Variants in RSBN1L observed in about 807,000 individuals in gnomAD.
RSBN1L encodes the protein lysine-specific demethylase RSBN1L.
In RSBN1L, 30 loss-of-function variants were observed where a neutral mutation model predicts 67.7. That is an observed-to-expected ratio of 0.44 (90% CI 0.33 to 0.60). RSBN1L has a LOEUF of 0.60. RSBN1L is among the 20% of genes least tolerant of loss of function. The pLI, the probability that RSBN1L is intolerant of heterozygous loss-of-function variation, is 0.02. For synonymous variants in RSBN1L, 433 were observed against 387.0 expected (o/e 1.12, Z -1.39); for missense variants, 992 against 1,031.7 (o/e 0.96, Z 0.53).
chr7:77,746,951 C>T (rs1392061620), intron 2 of RSBN1L, among the ~76,000 whole-genome samples: 6 of 152,226 alleles, frequency 3.9e-5, no homozygotes, highest in African/African-American at 1.4e-4. Context: ...AGCCCCACCC[C>T]TGTGGCTGTG....
chr7:77,765,480 T>A lies in RSBN1L; in HGVS notation c.1345-15T>A. 6.6e-7 allele frequency: 1 copy of A among 1,519,318 alleles called. No individual in the cohort carries two copies. The highest frequency in any genetic ancestry group is 2.3e-5 in the East Asian group (1 of 43,224). 94.1% of individuals were successfully genotyped at this position (1,519,318 alleles called of 1,614,324 possible). A position where few individuals can be genotyped will look rare whatever the true frequency, so the allele number is the denominator to read the frequency against. ...AGAACGTATTTAACTTTTAATTAAA[T>A]CCATGTTTCTTCAGGTAAAAAGAAC... is the stretch of plus-strand genomic sequence containing the variant. On this transcript the variant is annotated splice_polypyrimidine_tract_variant and intron_variant, in intron 3 of 7. Transcript: ENST00000334955.
chr7:77,768,939 A>C, intron 5 of RSBN1L, 136 bp downstream of exon 5: 1 of 674,296 alleles, frequency 1.5e-6, no homozygotes, highest in Admixed American at 2.7e-5. Flanking sequence ...ATAGCGATAC[A>C]TGCTAATACA....
Position 77,750,062 on chromosome 7 carries a change from C to A in RSBN1L, c.1342C>A (p.Gln448Lys). The change falls in exon 3 of 8, where the codon CAG becomes AAG. Residue 448 changes from glutamine (Q) to lysine (K), a missense_variant and splice_region_variant. Transcript: ENST00000334955. ...AACGACTATGTCCAATTTTCATGCT[C>A]AGGTAAGAGGTTTTTAGTTTTATAA... ...ETTTMSNFHA[Q>K]VKRTYSHGTY... is the part of the protein sequence containing the mutation. 6.4e-7 allele frequency: 1 copy of A among 1,574,046 alleles called. No individual in the cohort carries two copies. Among genetic ancestry groups the A allele is most frequent in the South Asian group, 1.2e-5 (1 of 84,330 alleles).
intron 3 of RSBN1L, among the ~76,000 whole-genome samples, chr7:77,753,689 A>G (rs1231962216): frequency 6.6e-6 from 1 of 152,204 alleles, no homozygotes; most frequent in Non-Finnish European, 1.5e-5. Context: ...TGCCTACCAC[A>G]AAGTCATTAA....
chr7:77,748,175 C>G (rs1791508685), intron 2 of RSBN1L, among the ~76,000 whole-genome samples: 1 of 151,908 alleles, frequency 6.6e-6, no homozygotes, highest in African/African-American at 2.4e-5. Flanking sequence ...TGAATATGAT[C>G]AAAAGAATAC....
intron 1 of RSBN1L, among the ~76,000 whole-genome samples, chr7:77,699,348 A>G (rs1315316976): frequency 6.6e-6 from 1 of 152,240 alleles, no homozygotes; most frequent in Admixed American, 6.5e-5. Flanking sequence ...CTGCACCCCA[A>G]TTTGATTAAA....
intron 4 of RSBN1L, among the ~76,000 whole-genome samples, chr7:77,767,085 CTTCCCT>C (rs1199891409): frequency 5.6e-5 from 8 of 143,394 alleles, no homozygotes; most frequent in African/African-American, 1.8e-4. Context: ...TCCCCTTCCC[CTTCCCT>C]TTCCCTTTCC....
rs754208920 is a variant in RSBN1L at position 77,696,597 on chromosome 7, A to G, written c.128A>G (p.Lys43Arg). ...GACCCTCCGGGTTCTCTGTCCGCCA[A>G]GAAGGTCCGGACTGAGGAGAAGAAG... ...SRDPPGSLSA[K>R]KVRTEEKKAP... is the part of the protein sequence containing the mutation. Residue 43 changes from lysine (K) to arginine (R), a missense_variant, in exon 1 of 8, where the codon AAG becomes AGG. Lys to Arg is a conservative substitution (Grantham distance 26). Around this residue, in one of 7 missense-constraint regions of RSBN1L, gnomAD observed 575 missense variants for 483.2 expected, o/e 1.19. Transcript: ENST00000334955. 34 of 1,613,966 alleles carry G rather than the reference A, an allele frequency of 2.1e-5. No homozygotes were observed. Among genetic ancestry groups the G allele is most frequent in the Non-Finnish European group, 2.8e-5 (33 of 1,179,992 alleles).
At chr7:77,707,186 G>A (rs971688714) in intron 1 of RSBN1L, among the ~76,000 whole-genome samples, 26 of 152,020 alleles carry the variant, frequency 1.7e-4, no homozygotes, top group African/African-American at 6.0e-4. Context: ...ACCACGCCCA[G>A]CTAATTTTTG....
chr7:77,717,259 A>G (rs1791061039), intron 1 of RSBN1L, among the ~76,000 whole-genome samples: 1 of 152,108 alleles, frequency 6.6e-6, no homozygotes, highest in South Asian at 2.1e-4. Context: ...ATATTATTTT[A>G]TATCGTCTTA....
intron 6 of RSBN1L, among the ~76,000 whole-genome samples, chr7:77,774,293 T>C (rs1351555415): frequency 6.6e-6 from 1 of 152,224 alleles, no homozygotes; most frequent in East Asian, 1.9e-4. Context: ...AGCAAAGTTA[T>C]TGTAATTTTG....
chr7:77,740,691 A>G (rs544796642), intron 2 of RSBN1L, among the ~76,000 whole-genome samples: 60 of 152,332 alleles, frequency 3.9e-4, no homozygotes, highest in African/African-American at 1.3e-3. Flanking sequence ...AATTAACTCA[A>G]TGAATTTGTG....
intron 3 of RSBN1L, among the ~76,000 whole-genome samples, chr7:77,763,395 T>G (rs1381638142): frequency 6.6e-6 from 1 of 152,184 alleles, no homozygotes; most frequent in African/African-American, 2.4e-5. Flanking sequence ...TTATGGTCAT[T>G]TGCAGACACA....
rs367740041 is a variant in RSBN1L at position 77,736,406 on chromosome 7, C to G, written c.587-4C>G. Reference sequence around the variant, plus strand: ...TTAAATATTTCCTTTGTTTTGTCTTCCAGATAAAATCAAAGACAAAATTAA... The same window carrying G: ...TTAAATATTTCCTTTGTTTTGTCTTGCAGATAAAATCAAAGACAAAATTAA... On this transcript the variant is annotated splice_polypyrimidine_tract_variant and splice_region_variant and intron_variant, in intron 1 of 7. Transcript: ENST00000334955. 113 of 1,000,596 alleles carry G rather than the reference C, an allele frequency of 1.1e-4. No individual in the cohort carries two copies. The African/African-American group carries it at 1.9e-3, about 17-fold the overall frequency. 62.0% of individuals were successfully genotyped at this position (1,000,596 alleles called of 1,614,324 possible).
chr7:77,745,412 T>C (rs1791469135), intron 2 of RSBN1L, among the ~76,000 whole-genome samples: 1 of 152,210 alleles, frequency 6.6e-6, no homozygotes, highest in Non-Finnish European at 1.5e-5. Context: ...GATATAATGA[T>C]GGAAAAGGAG....
chr7:77,709,866 T>C (rs1380869864), intron 1 of RSBN1L, among the ~76,000 whole-genome samples: 1 of 152,214 alleles, frequency 6.6e-6, no homozygotes, highest in African/African-American at 2.4e-5. Context: ...TCCTTGACAT[T>C]TAATATGTCC....
rs960544913 is a variant in RSBN1L at position 77,781,291 on chromosome 7, C to T, written c.*2123C>T. The T allele has an allele frequency of 6.6e-6, 1 of 152,156 alleles. No individual in the cohort carries two copies. The highest frequency in any genetic ancestry group is 1.9e-4 in the East Asian group (1 of 5,200). 9.4% of individuals were successfully genotyped at this position (152,156 alleles called of 1,614,324 possible). A position where few individuals can be genotyped will look rare whatever the true frequency, so the allele number is the denominator to read the frequency against. On this transcript the variant is annotated 3_prime_UTR_variant, in exon 8 of 8. Transcript: ENST00000334955. ...ATAGTAAGGGTTTTGTTTTATATGT[C>T]ATTGTCTTACCATGCTCCCCACCTA...
At chr7:77,726,911 T>C (rs550371719) in intron 1 of RSBN1L, among the ~76,000 whole-genome samples, 241 of 149,670 alleles carry the variant, frequency 1.6e-3, no homozygotes, top group African/African-American at 5.5e-3. Context: ...CCTCCCAAAA[T>C]GCTGGCATTA....
chr7:77,697,330 A>G (rs1380723316), intron 1 of RSBN1L: 2 of 337,022 alleles, frequency 5.9e-6, no homozygotes, highest in Non-Finnish European at 1.1e-5. Flanking sequence ...GTGAAAATCC[A>G]TCTTGAGGAC....
Sources: allele counts gnomAD v4.1 joint callset (sites outside exome capture counted in the v4.1 genomes callset), GRCh38; gene constraint gnomAD v4.1.1; regional missense constraint gnomAD v4.1.1; transcripts MANE v1.5; gene names NCBI Gene and HGNC (gene_info 2026-07-23, HGNC 2026-07-21).